MYO1B: variants seen among roughly 807,000 people sequenced by gnomAD.
MYO1B encodes the protein unconventional myosin-Ib.
Under a neutral mutation model 159.7 loss-of-function variants are expected in MYO1B, and 72 were observed. The ratio of observed to expected loss-of-function variants is 0.45; its 90% CI spans 0.37 to 0.55. MYO1B has a LOEUF of 0.55. MYO1B is among the 20% of genes least tolerant of loss of function. The pLI, the probability that MYO1B is intolerant of heterozygous loss-of-function variation, is 0.00. For missense variants in MYO1B, 1,062 were observed against 1,364.8 expected, an observed-to-expected ratio of 0.78 and a Z score of 3.50; for synonymous variants, 468 against 473.8, an observed-to-expected ratio of 0.99 and a Z score of 0.16.
intron 27 of MYO1B, 24 bp downstream of exon 27, chr2:191,411,196 TA>T: frequency 6.9e-7 from 1 of 1,444,610 alleles, no homozygotes; most frequent in East Asian, 2.3e-5. Context: ...GCTTTACCCA[TA>T]AAATTCAGGA....
At chr2:191,324,758 G>A (rs1359950516) in intron 3 of MYO1B, among the ~76,000 whole-genome samples, 1 of 152,092 alleles carries the variant, frequency 6.6e-6, no homozygotes, top group African/African-American at 2.4e-5. Context: ...GGACAAGACT[G>A]CAGTGAAGCC....
At chr2:191,361,712 G>T (rs1244715657) in intron 8 of MYO1B, among the ~76,000 whole-genome samples, 1 of 151,858 alleles carries the variant, frequency 6.6e-6, no homozygotes, top group East Asian at 1.9e-4. Flanking sequence ...TGGAGCTTGT[G>T]GTATACCCAT....
chr2:191,311,970 T>G (rs1690027471), intron 3 of MYO1B, among the ~76,000 whole-genome samples: 1 of 152,234 alleles, frequency 6.6e-6, no homozygotes, highest in Admixed American at 6.5e-5. Context: ...AACATAACTT[T>G]TATTATAAGA....
At chr2:191,245,686 C>T (rs1050637935) in intron 1 of MYO1B, 60 bp downstream of exon 1, 1 of 152,242 alleles carries the variant, frequency 6.6e-6, no homozygotes, top group Non-Finnish European at 1.5e-5. Flanking sequence ...GTCGTCGGCC[C>T]CCGAGGCGCC....
In MYO1B at chr2:191,390,398, G is replaced by A; in HGVS notation, c.1888G>A (p.Ala630Thr). 6.2e-7 allele frequency: 1 copy of A among 1,614,262 alleles called. No individual in the cohort carries two copies. The change falls in exon 18 of 31, where the codon GCA becomes ACA. Residue 630 changes from alanine to threonine, a missense_variant. Around this residue, in one of 5 missense-constraint regions of MYO1B, gnomAD observed 609 missense variants for 744.4 expected, o/e 0.82. Coordinates refer to ENST00000392318, the MANE Select transcript of MYO1B (RefSeq NM_001130158.3). ...TTTGGAGAACGTCCGAGTGCGGAGG[G>A]CAGGCTACGCCTTCAGGCAGGCCTA... ...GLLENVRVRR[A>T]GYAFRQAYEP...
At chr2:191,380,800 A>G (rs935745021) in intron 13 of MYO1B, among the ~76,000 whole-genome samples, 1 of 152,162 alleles carries the variant, frequency 6.6e-6, no homozygotes, top group Non-Finnish European at 1.5e-5. Flanking sequence ...TCATTTGTTC[A>G]TACAGTCAGC....
At chr2:191,369,813 A>G (rs565296317) in intron 12 of MYO1B, among the ~76,000 whole-genome samples, 185 bp downstream of exon 12, 2 of 152,314 alleles carry the variant, frequency 1.3e-5, no homozygotes, top group Admixed American at 1.3e-4. Flanking sequence ...TTGTTTTGCC[A>G]TGTGTGTTGC....
At chr2:191,391,542 A>C (rs917793842) in intron 18 of MYO1B, among the ~76,000 whole-genome samples, 1 of 151,980 alleles carries the variant, frequency 6.6e-6, no homozygotes, top group Non-Finnish European at 1.5e-5. Context: ...CCTGCCTGGC[A>C]TCTAGTCTGC....
chr2:191,354,882 A>T (rs1368261610), intron 7 of MYO1B, among the ~76,000 whole-genome samples: 1 of 152,218 alleles, frequency 6.6e-6, no homozygotes, highest in Non-Finnish European at 1.5e-5. Flanking sequence ...AATAATTGGT[A>T]ATCATTTTAT....
At chr2:191,369,440 A>G in intron 11 of MYO1B, 102 bp from the exon 12 acceptor site, 2 of 896,140 alleles carry the variant, frequency 2.2e-6, no homozygotes, top group South Asian at 1.7e-5. Flanking sequence ...GATGTGAAAT[A>G]AAAGAGCTTC....
chr2:191,399,264 C>A (rs1202476151), intron 21 of MYO1B, among the ~76,000 whole-genome samples: 2 of 149,606 alleles, frequency 1.3e-5, no homozygotes, highest in African/African-American at 5.0e-5. Context: ...TGGAAGGAGA[C>A]CGTGGGGAGA....
intron 7 of MYO1B, among the ~76,000 whole-genome samples, chr2:191,357,362 T>C (rs1252162131): frequency 6.6e-6 from 1 of 152,080 alleles, no homozygotes; most frequent in Non-Finnish European, 1.5e-5. Flanking sequence ...GTGTCGATAG[T>C]CGGGTGGCGG....
At chr2:191,384,998 G>A (rs1047672556) in intron 15 of MYO1B, among the ~76,000 whole-genome samples, 1 of 152,204 alleles carries the variant, frequency 6.6e-6, no homozygotes, top group African/African-American at 2.4e-5. Flanking sequence ...AGAGGATGTC[G>A]TGGCCTTGTT....
At chr2:191,369,718 A>T in intron 12 of MYO1B, 90 bp downstream of exon 12, 9 of 922,186 alleles carry the variant, frequency 9.8e-6, no homozygotes, top group Non-Finnish European at 1.5e-5. Context: ...TTATAATCAA[A>T]TAATTGATTG....
At chr2:191,345,830 A>G (rs1406363215) in intron 5 of MYO1B, among the ~76,000 whole-genome samples, 3 of 152,258 alleles carry the variant, frequency 2.0e-5, no homozygotes, top group Admixed American at 2.0e-4. Flanking sequence ...TGGAAACTTC[A>G]AGTTCCATAA....
chr2:191,398,787 C>A (rs1696382342), intron 21 of MYO1B, among the ~76,000 whole-genome samples: 2 of 149,744 alleles, frequency 1.3e-5, no homozygotes, highest in African/African-American at 5.0e-5. Flanking sequence ...CCAGACTGGG[C>A]AGCCAGGCAG....
intron 6 of MYO1B, among the ~76,000 whole-genome samples, chr2:191,348,704 A>G (rs1384120436): frequency 1.3e-5 from 2 of 152,054 alleles, no homozygotes; most frequent in East Asian, 3.9e-4. Context: ...TAAAGCCACC[A>G]ACATTTCTCC....
chr2:191,249,575 C>T (rs527547823), intron 1 of MYO1B, among the ~76,000 whole-genome samples: 1 of 152,302 alleles, frequency 6.6e-6, no homozygotes, highest in South Asian at 2.1e-4. Flanking sequence ...CAAGAGGTAC[C>T]AGACTTTGAC....
chr2:191,263,449 C>G, intron 1 of MYO1B: 2 of 432,482 alleles, frequency 4.6e-6, no homozygotes, highest in South Asian at 1.9e-4. Context: ...AAAAAGAACT[C>G]TAGTTTTTCT....
Sources: allele counts gnomAD v4.1 joint callset (sites outside exome capture counted in the v4.1 genomes callset), GRCh38; gene constraint gnomAD v4.1.1; regional missense constraint gnomAD v4.1.1; transcripts MANE v1.5; gene names NCBI Gene and HGNC (gene_info 2026-07-23, HGNC 2026-07-21).